Variants in PRIM1 observed in about 807,000 individuals in gnomAD.
PRIM1 encodes the protein DNA primase small subunit.
In PRIM1, 38 loss-of-function variants were observed where a neutral mutation model predicts 60.2. That is an observed-to-expected ratio of 0.63 (90% CI 0.49 to 0.83). The LOEUF (loss-of-function observed/expected upper bound fraction) is 0.83. PRIM1 is among the 40% of genes least tolerant of loss of function. The pLI, the probability that PRIM1 is intolerant of heterozygous loss-of-function variation, is 0.00. For missense variants in PRIM1, 388 were observed against 506.2 expected (o/e 0.77, Z 2.24); for synonymous variants, 158 against 160.2 (o/e 0.99, Z 0.10).
At chr12:56,740,961 G>A (rs949914110) in intron 9 of PRIM1, among the ~76,000 whole-genome samples, 3 of 152,006 alleles carry the variant, frequency 2.0e-5, no homozygotes, top group South Asian at 4.2e-4. Context: ...CTACAGGCAT[G>A]CACCACCACG....
rs1953978891 is a variant in PRIM1 at position 56,752,305 on chromosome 12, C to T, written c.-7G>A. The T allele has an allele frequency of 2.6e-6, 4 of 1,560,140 alleles. No homozygotes were observed. The highest frequency in any genetic ancestry group is 3.5e-6 in the Non-Finnish European group (4 of 1,149,192). On this transcript the variant is annotated 5_prime_UTR_variant, in exon 1 of 13. Coordinates refer to ENST00000338193, the MANE Select transcript of PRIM1 (RefSeq NM_000946.3). Reference sequence around the variant, plus strand: ...TGGGGTCAAACGTCTCCATTGAGCGCGGAACTCGCCACGGTAAGGATTACC... The same window carrying T: ...TGGGGTCAAACGTCTCCATTGAGCGTGGAACTCGCCACGGTAAGGATTACC...
In PRIM1 at chr12:56,746,992, G is replaced by A. The variant is rs1219128977; in HGVS notation, c.302C>T (p.Ala101Val). 6.2e-7 allele frequency: 1 copy of A among 1,613,636 alleles called. No individual in the cohort carries two copies. The highest frequency in any genetic ancestry group is 1.1e-5 in the South Asian group (1 of 91,004). ...HNTVKLGAFQ[A>V]QEKELVFDID... Reference sequence around the variant, plus strand: ...GTCAAATACCAGTTCTTTTTCCTGAGCCTGGAAAGCTCCCAGCTTCACTGT... The same window carrying A: ...GTCAAATACCAGTTCTTTTTCCTGAACCTGGAAAGCTCCCAGCTTCACTGT... Residue 101 changes from alanine to valine, a missense_variant, in exon 3 of 13, where the codon GCT becomes GTT. Physicochemically the swap from Ala to Val is moderately conservative, Grantham distance 64. Around this residue, in one of 3 missense-constraint regions of PRIM1, gnomAD observed 156 missense variants for 175.8 expected, o/e 0.89. Coordinates refer to ENST00000338193, the MANE Select transcript of PRIM1 (RefSeq NM_000946.3).
intron 11 of PRIM1, among the ~76,000 whole-genome samples, chr12:56,735,719 C>T (rs1194395753): frequency 2.0e-5 from 3 of 150,886 alleles, no homozygotes; most frequent in African/African-American, 2.4e-5. Flanking sequence ...GGGGCAATCT[C>T]GGCTTATTGC....
chr12:56,732,929 A>C (rs1307095237), intron 12 of PRIM1, among the ~76,000 whole-genome samples: 1 of 151,042 alleles, frequency 6.6e-6, no homozygotes, highest in Non-Finnish European at 1.5e-5. Context: ...ATCTTGGCTC[A>C]CTGCAACCTC....
chr12:56,751,322 C>T (rs996401040), intron 1 of PRIM1, 127 bp from the exon 2 acceptor site: 9 of 651,588 alleles, frequency 1.4e-5, no homozygotes, highest in Non-Finnish European at 2.2e-5. Context: ...CTCTGTCGCC[C>T]AGACTGGAGT....
At chr12:56,750,995 T>G (rs968023708) in intron 2 of PRIM1, 43 bp downstream of exon 2, 1 of 1,303,462 alleles carries the variant, frequency 7.7e-7, no homozygotes, top group Non-Finnish European at 1.0e-6. Flanking sequence ...ATTCTTGGTT[T>G]ACAAAATAAA....
chr12:56,737,167 G>A (rs191387701), intron 11 of PRIM1, among the ~76,000 whole-genome samples: 7 of 152,230 alleles, frequency 4.6e-5, no homozygotes, highest in Non-Finnish European at 8.8e-5. Flanking sequence ...CTGCGCATGT[G>A]AGGGATCTAG....
At chr12:56,747,762 AG>A (rs1296608098) in intron 2 of PRIM1, among the ~76,000 whole-genome samples, 2 of 152,094 alleles carry the variant, frequency 1.3e-5, no homozygotes, top group African/African-American at 4.8e-5. Flanking sequence ...AGAACCTGAG[AG>A]GTTAATTCCA....
intron 6 of PRIM1, chr12:56,743,775 C>G (rs1953888224): frequency 3.6e-6 from 1 of 278,678 alleles, no homozygotes; most frequent in African/African-American, 2.2e-5. Flanking sequence ...AATTTAACAA[C>G]TAACTTGTCG....
intron 12 of PRIM1, among the ~76,000 whole-genome samples, chr12:56,733,804 T>C (rs1953802799): frequency 6.6e-6 from 1 of 152,030 alleles, no homozygotes; most frequent in African/African-American, 2.4e-5. Context: ...TTGGCCAGGC[T>C]GGTCTCGAAC....
intron 11 of PRIM1, among the ~76,000 whole-genome samples, chr12:56,737,601 G>T (rs1009870202): frequency 1.3e-5 from 2 of 152,040 alleles, no homozygotes; most frequent in African/African-American, 2.4e-5. Context: ...AACCCACCTG[G>T]GCCTCCCAAA....
In PRIM1 at chr12:56,746,041, T is replaced by A. The variant is rs769166967; in HGVS notation, c.579+4A>T. On this transcript the variant is annotated splice_donor_region_variant and intron_variant, in intron 5 of 12. Coordinates refer to ENST00000338193, the MANE Select transcript of PRIM1 (RefSeq NM_000946.3). ...AATGCAAATTAGAATTAAGAGGATC[T>A]TACCTTTACAAGGCTCAAATACTCA... is the stretch of plus-strand genomic sequence containing the variant. 1 of 1,600,952 alleles carries A rather than the reference T, an allele frequency of 6.2e-7. No individual in the cohort carries two copies. Among genetic ancestry groups the A allele is most frequent in the Non-Finnish European group, 8.5e-7 (1 of 1,176,160 alleles).
At chr12:56,745,783 A>G (rs956895494) in intron 5 of PRIM1, among the ~76,000 whole-genome samples, 4 of 151,924 alleles carry the variant, frequency 2.6e-5, no homozygotes, top group African/African-American at 9.7e-5. Flanking sequence ...TACTAAAAAT[A>G]CAAAATTTAG....
chr12:56,746,669 CACACACAA>C (rs768070607), intron 4 of PRIM1, 104 bp downstream of exon 4: 49,944 of 762,464 alleles, frequency 0.066, 2,559 homozygotes, highest in South Asian at 0.089. Flanking sequence ...CACACACACA[CACACACAA>C]ATTAATGAGA....
chr12:56,741,487 G>GCT lies in PRIM1; in HGVS notation c.928_929dup (p.Ser310ArgfsTer9). The GCT allele has an allele frequency of 6.2e-7, 1 of 1,613,742 alleles. No homozygotes were observed. The highest frequency in any genetic ancestry group is 8.5e-7 in the Non-Finnish European group (1 of 1,179,794). On this transcript the variant is annotated frameshift_variant, in exon 9 of 13. Transcript: ENST00000338193. LOFTEE classifies it high-confidence loss of function. ...TCTTCAGTAGATGATTGATTCCTTT[G>GCT]CTGACATTGATATCCAGCCGTGGAA...
chr12:56,739,142 G>T (rs1181683745), intron 10 of PRIM1, among the ~76,000 whole-genome samples, 152 bp downstream of exon 10: 1 of 152,018 alleles, frequency 6.6e-6, no homozygotes, highest in Non-Finnish European at 1.5e-5. Flanking sequence ...TGTTCTATTA[G>T]GGCATCGTCA....
At chr12:56,733,179 C>T (rs1245215090) in intron 12 of PRIM1, among the ~76,000 whole-genome samples, 1 of 111,786 alleles carries the variant, frequency 8.9e-6, no homozygotes, top group African/African-American at 3.5e-5. Flanking sequence ...TTTTTTGAGA[C>T]GGAGTTTTGC....
chr12:56,747,147 C>G, intron 2 of PRIM1, 115 bp from the exon 3 acceptor site: 1 of 753,944 alleles, frequency 1.3e-6, no homozygotes, highest in South Asian at 1.7e-5. Flanking sequence ...CTATATAATG[C>G]CAACTTTATG....
In PRIM1 at chr12:56,741,820, G is replaced by C. The variant is rs764852841; in HGVS notation, c.766C>G (p.Gln256Glu). The stretch of plus-strand genomic sequence containing the variant: ...TTGTGAGACTTTTGGAAGCTTTGTT[G>C]AAGTTCATCATGAATTGGTGATGGG... ...LVPETIHDEL[Q>E]QSFQKSHNSL... The change falls in exon 8 of 13, where the codon CAA becomes GAA. Residue 256 changes from glutamine to glutamate, a missense_variant. Around this residue, in one of 3 missense-constraint regions of PRIM1, gnomAD observed 211 missense variants for 277.9 expected, o/e 0.76. Transcript: ENST00000338193. The C allele has an allele frequency of 1.2e-6, 2 of 1,613,956 alleles. No homozygotes were observed. Among genetic ancestry groups the C allele is most frequent in the South Asian group, 1.1e-5 (1 of 91,084 alleles).
Sources: allele counts gnomAD v4.1 joint callset (sites outside exome capture counted in the v4.1 genomes callset), GRCh38; gene constraint gnomAD v4.1.1; regional missense constraint gnomAD v4.1.1; transcripts MANE v1.5; gene names NCBI Gene and HGNC (gene_info 2026-07-23, HGNC 2026-07-21).